Variants in MROH9 observed in about 807,000 individuals in gnomAD.
The protein encoded by MROH9 is maestro heat-like repeat-containing protein family member 9.
Under a neutral mutation model 98.2 loss-of-function variants are expected in MROH9, and 92 were observed. That is an observed-to-expected ratio of 0.94 (90% CI 0.79 to 1.11). The LOEUF is 1.11. Ranked by LOEUF, MROH9 falls within the 50% of genes most tolerant of loss-of-function variation. The probability of loss-of-function intolerance (pLI) is 0.00; values close to 1 mark genes in which losing one functional copy is unlikely to be tolerated. For synonymous variants in MROH9, 397 were observed against 368.9 expected (o/e 1.08, Z -0.87); for missense variants, 1,057 against 1,014.8 (o/e 1.04, Z -0.57).
chr1:170,995,156 G>C (rs1205613069), intron 12 of MROH9, among the ~76,000 whole-genome samples: 1 of 152,100 alleles, frequency 6.6e-6, no homozygotes, highest in East Asian at 1.9e-4. Flanking sequence ...GTCATCCAGG[G>C]TGTTTGTATA....
At position 170,974,487 on chromosome 1, in the gene MROH9, C is replaced by A. The variant is rs533067237; in HGVS notation, c.616+2604C>A. ...AGCAGATTTCTCACCAGAAATGACA[C>A]AAGTTATAGGCAATGAAGGAACATC... On this transcript the variant is annotated intron_variant, in intron 8 of 21. Coordinates refer to ENST00000367759, the MANE Select transcript of MROH9 (RefSeq NM_001163629.2). Among the ~76,000 whole-genome samples the A allele has an allele frequency of 2.2e-4, 33 of 151,192 alleles. 1 individual carries two copies. The highest frequency in any genetic ancestry group is 3.4e-3 in the Middle Eastern group (1 of 290).
intron 20 of MROH9, among the ~76,000 whole-genome samples, chr1:171,025,664 A>G (rs1652684544): frequency 6.6e-6 from 1 of 152,182 alleles, no homozygotes; most frequent in Non-Finnish European, 1.5e-5. Flanking sequence ...TTCAAAACTT[A>G]AGACAGTGAC....
chr1:170,956,595 G>GT (rs5778690), intron 3 of MROH9, among the ~76,000 whole-genome samples: 5,618 of 104,514 alleles, frequency 0.054, 402 homozygotes, highest in African/African-American at 0.18. Flanking sequence ...TTTTTTTTTT[G>GT]TTTTTTTTTT....
At chr1:171,038,325 T>C (rs942802261) in intron 20 of MROH9, among the ~76,000 whole-genome samples, 5 of 152,274 alleles carry the variant, frequency 3.3e-5, no homozygotes, top group East Asian at 1.9e-4. Flanking sequence ...ATCCATTGAG[T>C]TGACAAAGAT....
intron 16 of MROH9, 64 bp downstream of exon 16, chr1:171,014,318 C>A: frequency 7.1e-7 from 1 of 1,418,332 alleles, no homozygotes; most frequent in Non-Finnish European, 9.6e-7. Context: ...TTTGATGTCA[C>A]TTAACATCTT....
chr1:170,969,687 T>C lies in MROH9; in HGVS notation c.481-2061T>C, dbSNP rs546672468. 1.8e-4 allele frequency among the ~76,000 whole-genome samples: 27 copies of C among 152,002 alleles called. No homozygotes were observed. The South Asian group carries it at 5.4e-3, about 30-fold the overall frequency. ...TATCATTACTGTTAAGATAAGGGAC[T>C]GGAGAGGCCAGATCTACAAAGAAAG... On this transcript the variant is annotated intron_variant, in intron 7 of 21. Coordinates refer to ENST00000367759, the MANE Select transcript of MROH9 (RefSeq NM_001163629.2).
intron 20 of MROH9, among the ~76,000 whole-genome samples, chr1:171,038,362 G>T (rs779841910): frequency 4.6e-5 from 7 of 152,118 alleles, no homozygotes; most frequent in Non-Finnish European, 8.8e-5. Flanking sequence ...CCCAGTTTTG[G>T]CCAGGTTGCA....
In MROH9 at chr1:170,959,494, A is replaced by T; in HGVS notation, c.185A>T (p.Gln62Leu). Residue 62 changes from glutamine to leucine, a missense_variant, in exon 5 of 22, where the codon CAG becomes CTG. Coordinates refer to ENST00000367759, the MANE Select transcript of MROH9 (RefSeq NM_001163629.2). The stretch of plus-strand genomic sequence containing the variant: ...GATCCCTTACTGCAGTTTGAATCTC[A>T]GTTGAAGATAATAGAGTCATCCTTT... ...FVDPLLQFES[Q>L]LKIIESSFGM... 1 of 1,612,464 alleles carries T rather than the reference A, an allele frequency of 6.2e-7. No homozygotes were observed. The highest frequency in any genetic ancestry group is 8.5e-7 in the Non-Finnish European group (1 of 1,179,304).
At chr1:171,041,129 C>G (rs1375883614) in intron 20 of MROH9, among the ~76,000 whole-genome samples, 3 of 151,706 alleles carry the variant, frequency 2.0e-5, no homozygotes, top group Non-Finnish European at 1.5e-5. Flanking sequence ...CCCTCATTCT[C>G]TTTCCACCCT....
At chr1:170,940,781 TTGA>T (rs1380127603) in intron 1 of MROH9, among the ~76,000 whole-genome samples, 1 of 152,216 alleles carries the variant, frequency 6.6e-6, no homozygotes, top group African/African-American at 2.4e-5. Context: ...ATTTAAGTCC[TTGA>T]TGATGGCACT....
rs199761702 is a variant in MROH9 at position 170,971,882 on chromosome 1, C to A, written c.615C>A (p.Asn205Lys). The A allele has an allele frequency of 1.2e-6, 2 of 1,613,648 alleles. No individual in the cohort carries two copies. Among genetic ancestry groups the A allele is most frequent in the South Asian group, 1.1e-5 (1 of 91,012 alleles). ...CHLLYIARCQ[N>K]DIGTNKPTNG... ...TCCTCTACATTGCACGGTGTCAGAA[C>A]GGTAAGAACAGTTCACCATCTTTTC... The change falls in exon 8 of 22, where the codon AAC (asparagine) becomes AAA (lysine). Residue 205 changes from asparagine to lysine, a missense_variant and splice_region_variant. Coordinates refer to ENST00000367759, the MANE Select transcript of MROH9 (RefSeq NM_001163629.2).
chr1:170,981,081 C>T (rs1299291881), intron 8 of MROH9, among the ~76,000 whole-genome samples: 5 of 152,118 alleles, frequency 3.3e-5, no homozygotes, highest in Non-Finnish European at 7.4e-5. Context: ...CATCTCATGC[C>T]AGTCAGAATG....
intron 9 of MROH9, 24 bp downstream of exon 9, chr1:170,983,558 G>C (rs757628549): frequency 4.9e-5 from 68 of 1,387,256 alleles, no homozygotes; most frequent in Non-Finnish European, 6.5e-5. Flanking sequence ...CACTTTTTCC[G>C]AGGGCTTTTG....
chr1:170,941,573 T>G (rs1295229053), intron 1 of MROH9, among the ~76,000 whole-genome samples: 1 of 152,210 alleles, frequency 6.6e-6, no homozygotes, highest in Non-Finnish European at 1.5e-5. Context: ...CTTTGACTTT[T>G]TGTTGCTCAT....
chr1:170,967,988 T>A (rs1236795525), intron 7 of MROH9, among the ~76,000 whole-genome samples: 5 of 152,144 alleles, frequency 3.3e-5, no homozygotes, highest in Non-Finnish European at 7.4e-5. Flanking sequence ...AAAGTATAAA[T>A]ACACAGCAAC....
intron 20 of MROH9, among the ~76,000 whole-genome samples, chr1:171,038,980 G>T (rs922591582): frequency 3.9e-5 from 6 of 152,000 alleles, no homozygotes; most frequent in Non-Finnish European, 8.8e-5. Flanking sequence ...ATTTCTGCAT[G>T]GTAGCAACCC....
chr1:170,979,185 T>C (rs1485208631), intron 8 of MROH9, among the ~76,000 whole-genome samples: 1 of 152,248 alleles, frequency 6.6e-6, no homozygotes, highest in Non-Finnish European at 1.5e-5. Context: ...TACTTTATTG[T>C]GATAATCACT....
chr1:170,998,416 G>T (rs190565369), intron 15 of MROH9, 142 bp downstream of exon 15: 1 of 1,601,100 alleles, frequency 6.2e-7, no homozygotes, highest in East Asian at 2.2e-5. Context: ...ATCTGAAGTC[G>T]GATGGGGAGA....
intron 7 of MROH9, among the ~76,000 whole-genome samples, chr1:170,965,803 A>T (rs1031584092): frequency 2.0e-5 from 3 of 152,090 alleles, no homozygotes; most frequent in African/African-American, 7.2e-5. Context: ...ACTGAAATAC[A>T]TAGCTTTATT....
Sources: gnomAD v4.1 joint callset for allele counts (sites outside exome capture counted in the v4.1 genomes callset) on GRCh38, gnomAD v4.1.1 for gene constraint, MANE v1.5 for transcripts, NCBI Gene and HGNC (gene_info 2026-07-23, HGNC 2026-07-21) for gene names.